The following KCND2 variants were observed in gnomAD, a reference collection of about 807,000 sequenced individuals.
KCND2 encodes the protein potassium voltage-gated channel subfamily D member 2.
A neutral mutation model predicts 54.4 loss-of-function variants in KCND2; 16 were observed. The ratio of observed to expected loss-of-function variants is 0.29; its 90% CI spans 0.20 to 0.45. KCND2 has a LOEUF of 0.45. Ranked by LOEUF, KCND2 falls within the 20% of genes least tolerant of loss-of-function variation. KCND2 has a pLI of 1.00. For synonymous variants in KCND2, 317 were observed against 310.7 expected (o/e 1.02, Z -0.21); for missense variants, 486 against 824.2 (o/e 0.59, Z 5.02).
At chr7:120,281,577 A>G (rs898315664) in intron 1 of KCND2, among the ~76,000 whole-genome samples, 1 of 152,124 alleles carries the variant, frequency 6.6e-6, no homozygotes, top group African/African-American at 2.4e-5. Flanking sequence ...AAGCAAGCCT[A>G]CGTCATTTAT....
At chr7:120,420,576 G>A (rs543803402) in intron 1 of KCND2, among the ~76,000 whole-genome samples, 6 of 152,232 alleles carry the variant, frequency 3.9e-5, no homozygotes, top group African/African-American at 1.4e-4. Context: ...TACTTGTCAA[G>A]AACAGTTTCA....
chr7:120,473,298 A>G (rs1802487148), intron 1 of KCND2, among the ~76,000 whole-genome samples: 1 of 152,124 alleles, frequency 6.6e-6, no homozygotes, highest in Admixed American at 6.5e-5. Context: ...ACTGGCTTTA[A>G]CCACAGCGCT....
intron 1 of KCND2, among the ~76,000 whole-genome samples, chr7:120,521,700 A>G (rs1482109240): frequency 6.6e-6 from 1 of 152,180 alleles, no homozygotes; most frequent in Non-Finnish European, 1.5e-5. Context: ...CATAAAAACT[A>G]CTTTATAAAT....
Position 120,741,601 on chromosome 7 carries a change from G to A in KCND2, c.1346G>A (p.Arg449Gln), listed in dbSNP as rs530060196. 4.3e-6 allele frequency: 7 copies of A among 1,612,604 alleles called. No homozygotes were observed. The highest frequency in any genetic ancestry group is 1.1e-5 in the South Asian group (1 of 91,050). ...GSANAYMQSK[R>Q]NGLLSNQLQS... is the part of the protein sequence containing the mutation. ...GCAAATGCTTACATGCAGAGCAAAC[G>A]GAATGGTTTACTCAGTAATCAGCTG... is the stretch of plus-strand genomic sequence containing the variant. The change falls in exon 3 of 6, where the codon CGG (arginine) becomes CAG (glutamine). Residue 449 changes from arginine to glutamine, a missense_variant. By Grantham distance (43) the Arg-to-Gln change is conservative. This residue lies in a region of KCND2 where 202 missense variants were observed against 252.7 expected (regional missense o/e 0.80). Transcript: ENST00000331113.
intron 1 of KCND2, among the ~76,000 whole-genome samples, chr7:120,553,830 C>T (rs550470724): frequency 6.6e-6 from 1 of 152,294 alleles, no homozygotes; most frequent in South Asian, 2.1e-4. Flanking sequence ...GGTTTTTACA[C>T]CCACATCATA....
At chr7:120,582,321 C>A (rs888667836) in intron 1 of KCND2, among the ~76,000 whole-genome samples, 5 of 152,094 alleles carry the variant, frequency 3.3e-5, no homozygotes, top group Non-Finnish European at 5.9e-5. Flanking sequence ...TCTAGCAAAT[C>A]TAAACGTTCC....
At chr7:120,512,316 ATTTTG>A (rs1327858338) in intron 1 of KCND2, among the ~76,000 whole-genome samples, 3 of 152,092 alleles carry the variant, frequency 2.0e-5, no homozygotes, top group South Asian at 2.1e-4. Context: ...ACAGTTGTTT[ATTTTG>A]TTTTAACTAT....
At chr7:120,285,677 A>G (rs1026820651) in intron 1 of KCND2, among the ~76,000 whole-genome samples, 1 of 151,974 alleles carries the variant, frequency 6.6e-6, no homozygotes, top group Non-Finnish European at 1.5e-5. Flanking sequence ...TTTGAAAAAC[A>G]TAATTAACTT....
At chr7:120,377,657 C>G (rs1800853910) in intron 1 of KCND2, among the ~76,000 whole-genome samples, 1 of 151,826 alleles carries the variant, frequency 6.6e-6, no homozygotes, top group African/African-American at 2.4e-5. Flanking sequence ...TTCTTGAACT[C>G]TCAGCTTATT....
chr7:120,673,719 T>A (rs1043889238), intron 1 of KCND2, among the ~76,000 whole-genome samples: 3 of 152,066 alleles, frequency 2.0e-5, no homozygotes, highest in African/African-American at 7.2e-5. Context: ...TTTCATAGCC[T>A]ACAAAATAAA....
At chr7:120,695,208 A>G (rs1792318663) in intron 1 of KCND2, among the ~76,000 whole-genome samples, 2 of 150,782 alleles carry the variant, frequency 1.3e-5, no homozygotes, top group South Asian at 2.1e-4. Flanking sequence ...TTAGTTTTAT[A>G]TATATTATAT....
chr7:120,528,774 A>G (rs559702863), intron 1 of KCND2, among the ~76,000 whole-genome samples: 1 of 152,278 alleles, frequency 6.6e-6, no homozygotes, highest in East Asian at 1.9e-4. Flanking sequence ...CATAATGATA[A>G]TACCTGTTCC....
At chr7:120,668,423 T>C (rs1030784937) in intron 1 of KCND2, among the ~76,000 whole-genome samples, 3 of 140,130 alleles carry the variant, frequency 2.1e-5, no homozygotes, top group African/African-American at 8.3e-5. Context: ...TGAGAAAGAC[T>C]TTATAACAAC....
chr7:120,614,062 G>A, intron 1 of KCND2, among the ~76,000 whole-genome samples: 1 of 149,784 alleles, frequency 6.7e-6, no homozygotes, highest in East Asian at 2.0e-4. Flanking sequence ...TTCCAGGCTA[G>A]AGTGCAGTGG....
chr7:120,521,919 G>A (rs1791701718), intron 1 of KCND2, among the ~76,000 whole-genome samples: 1 of 152,136 alleles, frequency 6.6e-6, no homozygotes, highest in Non-Finnish European at 1.5e-5. Flanking sequence ...TCTGGATCCT[G>A]TATCATCAGC....
At chr7:120,318,273 G>A (rs911912017) in intron 1 of KCND2, among the ~76,000 whole-genome samples, 1 of 152,060 alleles carries the variant, frequency 6.6e-6, no homozygotes, top group Admixed American at 6.6e-5. Context: ...AGTGTAAACT[G>A]TACAAATTAC....
At chr7:120,408,830 A>AATTC (rs1801404438) in intron 1 of KCND2, among the ~76,000 whole-genome samples, 1 of 151,936 alleles carries the variant, frequency 6.6e-6, no homozygotes, top group Non-Finnish European at 1.5e-5. Context: ...ATTCCATAGT[A>AATTC]CATATTTGAA....
In KCND2 at chr7:120,390,774, A is replaced by G. The variant is rs559748247; in HGVS notation, c.1115+115027A>G. ...TATATAATTTGTCATTCCCTGGTTA[A>G]TTTAAATTTAAAATTTGTATGAATT... On this transcript the variant is annotated intron_variant, in intron 1 of 5. Coordinates refer to ENST00000331113, the MANE Select transcript of KCND2 (RefSeq NM_012281.3). 2.2e-4 allele frequency among the ~76,000 whole-genome samples: 33 copies of G among 152,144 alleles called. No individual in the cohort carries two copies. In the South Asian group the frequency reaches 6.8e-3, roughly 32 times the overall value.
intron 1 of KCND2, among the ~76,000 whole-genome samples, chr7:120,435,091 TTTTATTTATTTA>T (rs58887227): frequency 1.1e-4 from 17 of 149,212 alleles, no homozygotes; most frequent in Non-Finnish European, 1.8e-4. Context: ...AAACAATAAA[TTTTATTTATTTA>T]TTTATTTATT....
Sources: allele counts gnomAD v4.1 joint callset (sites outside exome capture counted in the v4.1 genomes callset), GRCh38; gene constraint gnomAD v4.1.1; regional missense constraint gnomAD v4.1.1; transcripts MANE v1.5; gene names NCBI Gene and HGNC (gene_info 2026-07-23, HGNC 2026-07-21).